The following GABRR2 variants were observed in gnomAD, a reference collection of about 807,000 sequenced individuals.
GABRR2 encodes gamma-aminobutyric acid receptor subunit rho-2.
Under a neutral mutation model 47.0 loss-of-function variants are expected in GABRR2, and 36 were observed. That is an observed-to-expected ratio of 0.77 (90% CI 0.59 to 1.01). GABRR2 has a LOEUF of 1.01. Ranked by LOEUF, GABRR2 falls within the 50% of genes least tolerant of loss-of-function variation. The probability of loss-of-function intolerance (pLI) is 0.00; values close to 1 mark genes in which losing one functional copy is unlikely to be tolerated. For missense variants in GABRR2, 587 were observed against 594.6 expected, an observed-to-expected ratio of 0.99 and a Z score of 0.13; for synonymous variants, 204 against 227.5, an observed-to-expected ratio of 0.90 and a Z score of 0.93.
At chr6:89,313,753 C>T (rs2127853324) in intron 1 of GABRR2, among the ~76,000 whole-genome samples, 1 of 152,242 alleles carries the variant, frequency 6.6e-6, no homozygotes, top group Admixed American at 6.5e-5. Flanking sequence ...CCTGTCTCTA[C>T]TAAAAATACA....
intron 2 of GABRR2, among the ~76,000 whole-genome samples, chr6:89,285,331 A>C (rs1485786389): frequency 6.6e-6 from 1 of 152,192 alleles, no homozygotes; most frequent in Non-Finnish European, 1.5e-5. Context: ...CTTCTTGCAA[A>C]GTTTGAGTTA....
Position 89,267,789 on chromosome 6 carries a change from T to C in GABRR2, c.626A>G (p.Tyr209Cys). The change falls in exon 6 of 9, where the codon TAC becomes TGC. Residue 209 changes from tyrosine to cysteine, a missense_variant. Coordinates refer to ENST00000402938, the MANE Select transcript of GABRR2 (RefSeq NM_002043.5). ...TAGGGATTCATCCCCATTCTTCCAG[T>C]ACAGCATTAGATCTTCATCTGTATA... ...YAYTDEDLML[Y>C]WKNGDESLKT... 3 of 1,613,806 alleles carry C rather than the reference T, an allele frequency of 1.9e-6. No homozygotes were observed. Among genetic ancestry groups the C allele is most frequent in the South Asian group, 2.2e-5 (2 of 91,034 alleles).
At position 89,276,849 on chromosome 6, in the gene GABRR2, G is replaced by T. The variant is rs542097556; in HGVS notation, c.221-5127C>A. 5.3e-5 allele frequency among the ~76,000 whole-genome samples: 8 copies of T among 152,208 alleles called. No homozygotes were observed. In the South Asian group the frequency reaches 1.7e-3, roughly 32 times the overall value. On this transcript the variant is annotated intron_variant, in intron 2 of 8. Coordinates refer to ENST00000402938, the MANE Select transcript of GABRR2 (RefSeq NM_002043.5). ...CTATACCAGCAGAGTTTTAAAAAAT[G>T]ATTTTTTTAAAGTATCATTTATGAA...
intron 1 of GABRR2, among the ~76,000 whole-genome samples, chr6:89,308,123 C>T (rs1399378080): frequency 6.6e-6 from 1 of 152,152 alleles, no homozygotes; most frequent in Non-Finnish European, 1.5e-5. Context: ...CCTTCATTCA[C>T]TTTTGAGGGC....
rs1346440994 is a variant in GABRR2 at position 89,315,061 on chromosome 6, G to A, written c.105C>T (p.Pro35=). 1.9e-6 allele frequency: 3 copies of A among 1,612,966 alleles called. No homozygotes were observed. In the African/African-American group the frequency reaches 4.0e-5, roughly 22 times the overall value. ...RKRWTGQVEM[P]KPSHLYKKNL... ...CCCACCTATGACTTTACCTTGGCTT[G>A]GGCATTTCCACCTGCCCTGTCCATC... Residue 35 remains proline, a synonymous_variant, in exon 1 of 9, where the codon CCC becomes CCT. Transcript: ENST00000402938.
intron 7 of GABRR2, among the ~76,000 whole-genome samples, chr6:89,265,228 G>A (rs1209374985): frequency 6.6e-6 from 1 of 152,122 alleles, no homozygotes; most frequent in Non-Finnish European, 1.5e-5. Flanking sequence ...CATATTCTGT[G>A]CCCTACCTCC....
intron 2 of GABRR2, among the ~76,000 whole-genome samples, chr6:89,291,743 C>T (rs1582456402): frequency 6.6e-6 from 1 of 152,218 alleles, no homozygotes; most frequent in South Asian, 2.1e-4. Context: ...TACTTGATTA[C>T]ACTTAATCAT....
At position 89,299,804 on chromosome 6, in the gene GABRR2, G is replaced by A. The variant is rs201782414; in HGVS notation, c.175C>T (p.Leu59Phe). The change falls in exon 2 of 9, where the codon CTC becomes TTC. Residue 59 changes from leucine (L) to phenylalanine (F), a missense_variant. Physicochemically the swap from Leu to Phe is conservative, Grantham distance 22. Coordinates refer to ENST00000402938, the MANE Select transcript of GABRR2 (RefSeq NM_002043.5). ...CTGAAGTCGTGCTCGTCCACTCTGAGAAGCTGCTGAGGCTTTCCCTTCCGG... is the reference window on the plus strand; with the variant it reads ...CTGAAGTCGTGCTCGTCCACTCTGAAAAGCTGCTGAGGCTTTCCCTTCCGG... ...KIRKGKPQQL[L>F]RVDEHDFSMR... 1 of 1,614,016 alleles carries A rather than the reference G, an allele frequency of 6.2e-7. No individual in the cohort carries two copies. The highest frequency in any genetic ancestry group is 2.2e-5 in the East Asian group (1 of 44,888).
Position 89,292,788 on chromosome 6 carries a change from GAT to G in GABRR2, c.220+6969_220+6970del, listed in dbSNP as rs1484574962. Among the ~76,000 whole-genome samples the G allele has an allele frequency of 6.4e-4, 6 of 9,416 alleles. 1 individual carries two copies. The South Asian group carries it at 0.017, about 27-fold the overall frequency. 6.2% of individuals were successfully genotyped at this position (9,416 alleles called of 152,430 possible). A position where few individuals can be genotyped will look rare whatever the true frequency, so the allele number is the denominator to read the frequency against. On this transcript the variant is annotated intron_variant, in intron 2 of 8. Transcript: ENST00000402938. ...GATATATCGTATATATCGTATATAC[GAT>G]ATATCGTATATATCGTATATACGAT...
chr6:89,266,104 C>G (rs763397058), intron 6 of GABRR2, among the ~76,000 whole-genome samples: 1 of 152,088 alleles, frequency 6.6e-6, no homozygotes, highest in African/African-American at 2.4e-5. Flanking sequence ...GCTCTGTAGC[C>G]CAGGCTGGAG....
At chr6:89,258,214 A>G (rs931170005) in intron 8 of GABRR2, among the ~76,000 whole-genome samples, 3 of 152,200 alleles carry the variant, frequency 2.0e-5, no homozygotes, top group Admixed American at 2.0e-4. Context: ...AATTAATTTA[A>G]AATTCCCAGG....
Position 89,292,771 on chromosome 6 carries a change from G to A in GABRR2, c.220+6988C>T, listed in dbSNP as rs575181999. 4.7e-4 allele frequency among the ~76,000 whole-genome samples: 19 copies of A among 40,364 alleles called. 1 individual carries two copies. Among genetic ancestry groups the A allele is most frequent in the East Asian group, 6.5e-3 (2 of 310 alleles). The allele number at this position is 40,364 out of a possible 152,430, so 26.5% of individuals were successfully genotyped here. A position where few individuals can be genotyped will look rare whatever the true frequency, so the allele number is the denominator to read the frequency against. ...GTATATATCGTATATACGATATATCGTATATATCGTATATACGATATATCG... is the reference window on the plus strand; with the variant it reads ...GTATATATCGTATATACGATATATCATATATATCGTATATACGATATATCG... On this transcript the variant is annotated intron_variant, in intron 2 of 8. Coordinates refer to ENST00000402938, the MANE Select transcript of GABRR2 (RefSeq NM_002043.5).
intron 1 of GABRR2, chr6:89,302,956 A>G (rs1316501590): frequency 1.4e-5 from 18 of 1,258,018 alleles, no homozygotes; most frequent in Non-Finnish European, 2.0e-5. Context: ...ACACTGGTAC[A>G]TGGGCAAGGG....
Position 89,269,103 on chromosome 6 carries a change from AAAG to A in GABRR2, c.417_419del (p.Phe140del). 6.2e-7 allele frequency: 1 copy of A among 1,614,048 alleles called. No individual in the cohort carries two copies. The highest frequency in any genetic ancestry group is 8.5e-7 in the Non-Finnish European group (1 of 1,179,908). On this transcript the variant is annotated inframe_deletion, in exon 4 of 9. Coordinates refer to ENST00000402938, the MANE Select transcript of GABRR2 (RefSeq NM_002043.5). ...GAGTGAACGATCTTTTGGAGTGAAC[AAAG>A]AAGACATCAGGGACCCAGATCTTCT...
At chr6:89,265,993 C>T (rs899660114) in intron 6 of GABRR2, among the ~76,000 whole-genome samples, 1 of 152,118 alleles carries the variant, frequency 6.6e-6, no homozygotes, top group African/African-American at 2.4e-5. Context: ...GTTGGTATTA[C>T]CTAACTTTTC....
intron 2 of GABRR2, among the ~76,000 whole-genome samples, chr6:89,295,470 CT>C (rs1161948560): frequency 6.6e-6 from 1 of 152,072 alleles, no homozygotes; most frequent in Non-Finnish European, 1.5e-5. Flanking sequence ...CCTTTGCCCA[CT>C]TTTTGATGGG....
chr6:89,271,802 CG>C, intron 2 of GABRR2, 80 bp from the exon 3 acceptor site: 2 of 1,224,106 alleles, frequency 1.6e-6, no homozygotes, highest in Non-Finnish European at 2.4e-6. Flanking sequence ...TGGCTTCCCC[CG>C]GGGAGCCAGG....
chr6:89,306,781 A>C (rs1245257935), intron 1 of GABRR2, among the ~76,000 whole-genome samples: 1 of 148,998 alleles, frequency 6.7e-6, no homozygotes, highest in African/African-American at 2.5e-5. Context: ...GTTATTACTA[A>C]ACAAAAAAAA....
chr6:89,283,620 TA>T (rs1323145801), intron 2 of GABRR2, among the ~76,000 whole-genome samples: 2 of 152,206 alleles, frequency 1.3e-5, no homozygotes, highest in Non-Finnish European at 2.9e-5. Flanking sequence ...GGAGGATATA[TA>T]TGCATATTTC....
Sources: gnomAD v4.1 joint callset for allele counts (sites outside exome capture counted in the v4.1 genomes callset) on GRCh38, gnomAD v4.1.1 for gene constraint, MANE v1.5 for transcripts, NCBI Gene and HGNC (gene_info 2026-07-23, HGNC 2026-07-21) for gene names.